The following CAMTA1 variants were observed in gnomAD, a reference collection of about 807,000 sequenced individuals.
CAMTA1 encodes calmodulin binding transcription activator 1, also known as calmodulin-binding transcription activator 1.
CAMTA1 carries 27 observed loss-of-function variants against 170.9 expected under a neutral mutation model. That is an observed-to-expected ratio of 0.16 (90% CI 0.12 to 0.22). CAMTA1 has a LOEUF of 0.22. Ranked by LOEUF, CAMTA1 falls within the 10% of genes least tolerant of loss-of-function variation. The pLI, the probability that CAMTA1 is intolerant of heterozygous loss-of-function variation, is 1.00. For synonymous variants in CAMTA1, 833 were observed against 891.5 expected (o/e 0.93, Z 1.17); for missense variants, 1,619 against 2,217.2 (o/e 0.73, Z 5.42).
intron 5 of CAMTA1, among the ~76,000 whole-genome samples, chr1:7,313,269 C>T (rs973644313): frequency 6.6e-6 from 1 of 152,342 alleles, no homozygotes; most frequent in Non-Finnish European, 1.5e-5. Context: ...AATTTCTCTT[C>T]TCTACCATCT....
At chr1:6,879,850 C>T (rs1445321551) in intron 3 of CAMTA1, among the ~76,000 whole-genome samples, 2 of 149,682 alleles carry the variant, frequency 1.3e-5, no homozygotes, top group Non-Finnish European at 3.0e-5. Context: ...TGATCTCGAA[C>T]TCCTGGGCTC....
intron 5 of CAMTA1, among the ~76,000 whole-genome samples, chr1:7,323,369 C>CTTT (rs1678746992): frequency 6.6e-6 from 1 of 151,982 alleles, no homozygotes; most frequent in Non-Finnish European, 1.5e-5. Flanking sequence ...TGGCTTGCTC[C>CTTT]CCCATGGCCT....
intron 4 of CAMTA1, among the ~76,000 whole-genome samples, chr1:7,218,736 T>C (rs1215245725): frequency 2.6e-5 from 4 of 152,220 alleles, no homozygotes; most frequent in Admixed American, 6.5e-5. Context: ...GACGTCTGCC[T>C]TCATTGGCTT....
At chr1:6,808,462 C>T (rs1205218342) in intron 1 of CAMTA1, among the ~76,000 whole-genome samples, 2 of 152,164 alleles carry the variant, frequency 1.3e-5, no homozygotes, top group Non-Finnish European at 1.5e-5. Context: ...CACACGCTCA[C>T]CCATGCTCTT....
chr1:7,484,856 G>A (rs2093596530), intron 6 of CAMTA1, among the ~76,000 whole-genome samples: 1 of 152,036 alleles, frequency 6.6e-6, no homozygotes, highest in African/African-American at 2.4e-5. Flanking sequence ...GATAACCCCT[G>A]ATAGAGCCGC....
At position 7,680,213 on chromosome 1, in the gene CAMTA1, G is replaced by A; in HGVS notation, c.2914+2480G>A. 3.6e-6 allele frequency: 1 copy of A among 277,676 alleles called. No homozygotes were observed. Among genetic ancestry groups the A allele is most frequent in the Non-Finnish European group, 7.9e-6 (1 of 127,364 alleles). 17.2% of individuals were successfully genotyped at this position (277,676 alleles called of 1,614,324 possible). A position where few individuals can be genotyped will look rare whatever the true frequency, so the allele number is the denominator to read the frequency against. On this transcript the variant is annotated intron_variant, in intron 11 of 22. Coordinates refer to ENST00000303635, the MANE Select transcript of CAMTA1 (RefSeq NM_015215.4). This position sits in a 1 kb window ranked among gnomAD's most constrained non-coding sequence, Gnocchi z 4.4. ...GGGCCAATGCTGCAGTGGCCGGGCG[G>A]TGGTGAGCCTTCCGTTCCCCGCCTG...
At chr1:7,709,454 C>CCCG (rs1401222108) in intron 11 of CAMTA1, among the ~76,000 whole-genome samples, 3 of 152,214 alleles carry the variant, frequency 2.0e-5, no homozygotes, top group African/African-American at 7.2e-5. Context: ...CAAATGATTT[C>CCCG]CCATGCAGGT....
chr1:7,244,466 C>T (rs1334040500), intron 4 of CAMTA1, among the ~76,000 whole-genome samples: 1 of 152,174 alleles, frequency 6.6e-6, no homozygotes, highest in Non-Finnish European at 1.5e-5. Flanking sequence ...GCACTATTCA[C>T]AATAGCAAAG....
At chr1:6,803,339 C>T (rs1644111642) in intron 1 of CAMTA1, among the ~76,000 whole-genome samples, 1 of 152,168 alleles carries the variant, frequency 6.6e-6, no homozygotes, top group Admixed American at 6.5e-5. Context: ...CAGAAAACAG[C>T]CTCTCTTTAA....
chr1:7,418,834 C>T (rs912763174), intron 5 of CAMTA1, among the ~76,000 whole-genome samples: 1 of 152,208 alleles, frequency 6.6e-6, no homozygotes, highest in African/African-American at 2.4e-5. Context: ...CCACTCAGTG[C>T]AGCCTGTTGG....
chr1:6,871,209 G>A (rs914093918), intron 3 of CAMTA1, among the ~76,000 whole-genome samples: 2 of 151,786 alleles, frequency 1.3e-5, no homozygotes, highest in East Asian at 1.9e-4. Flanking sequence ...TGCTTAAAAT[G>A]TCTTTTTTTT....
In CAMTA1 at chr1:7,039,895, T is replaced by C. The variant is rs538381270; in HGVS notation, c.235-51409T>C. Among the ~76,000 whole-genome samples, 18 of 152,152 alleles carry C rather than the reference T, an allele frequency of 1.2e-4. No individual in the cohort carries two copies. In the East Asian group the frequency reaches 2.5e-3, roughly 21 times the overall value. ...TTCAATTGCCTTTTTTCTGGGGGCG[T>C]GTACCCTACAGATTCTGCTTGGAGT... On this transcript the variant is annotated intron_variant, in intron 3 of 22. Coordinates refer to ENST00000303635, the MANE Select transcript of CAMTA1 (RefSeq NM_015215.4).
intron 4 of CAMTA1, among the ~76,000 whole-genome samples, chr1:7,235,924 T>G (rs925511468): frequency 1.3e-5 from 2 of 152,186 alleles, no homozygotes; most frequent in Admixed American, 1.3e-4. Flanking sequence ...TCCTTGTCCT[T>G]ATTATTCGTA....
intron 6 of CAMTA1, among the ~76,000 whole-genome samples, chr1:7,594,353 G>A (rs919432292): frequency 2.0e-5 from 3 of 152,156 alleles, no homozygotes; most frequent in Non-Finnish European, 4.4e-5. Flanking sequence ...CGGGGTAAAG[G>A]CACCAAGGCT....
At chr1:6,794,843 C>A (rs1243844084) in intron 1 of CAMTA1, among the ~76,000 whole-genome samples, 1 of 148,660 alleles carries the variant, frequency 6.7e-6, no homozygotes, top group East Asian at 2.1e-4. Flanking sequence ...TTTTTATAAT[C>A]TTTTTTATTA....
At chr1:7,222,516 T>C (rs1660975547) in intron 4 of CAMTA1, among the ~76,000 whole-genome samples, 1 of 152,176 alleles carries the variant, frequency 6.6e-6, no homozygotes, top group South Asian at 2.1e-4. Flanking sequence ...CATCACCCCA[T>C]GACATAGTGG....
At chr1:7,460,869 CAG>C (rs1015261135) in intron 5 of CAMTA1, among the ~76,000 whole-genome samples, 4 of 152,256 alleles carry the variant, frequency 2.6e-5, no homozygotes, top group African/African-American at 9.6e-5. Context: ...TCCCTAGCGG[CAG>C]AGAGATGGGC....
At chr1:7,159,543 C>T (rs917601712) in intron 4 of CAMTA1, among the ~76,000 whole-genome samples, 5 of 151,964 alleles carry the variant, frequency 3.3e-5, no homozygotes, top group Admixed American at 1.3e-4. Flanking sequence ...GTTTTGTTTT[C>T]GTTCTTGTTT....
intron 1 of CAMTA1, among the ~76,000 whole-genome samples, chr1:6,808,692 G>A (rs942320661): frequency 1.3e-5 from 2 of 152,156 alleles, no homozygotes; most frequent in African/African-American, 4.8e-5. Context: ...GGAGGTAAGA[G>A]GCTTGAGTAC....
Sources: gnomAD v4.1 joint callset for allele counts (sites outside exome capture counted in the v4.1 genomes callset) on GRCh38, gnomAD v4.1.1 for gene constraint, Gnocchi (gnomAD v3.1) non-coding constraint, MANE v1.5 for transcripts, NCBI Gene and HGNC (gene_info 2026-07-23, HGNC 2026-07-21) for gene names.